Variants in NRXN3 observed in about 807,000 individuals in gnomAD.
NRXN3 encodes the protein neurexin 3, also known as neurexin III.
In NRXN3, 32 loss-of-function variants were observed where a neutral mutation model predicts 137.6. That is an observed-to-expected ratio of 0.23 (90% CI 0.18 to 0.31). The LOEUF (loss-of-function observed/expected upper bound fraction) is 0.31, where lower values mean the gene tolerates loss of function less well. Ranked by LOEUF, NRXN3 falls within the 10% of genes least tolerant of loss-of-function variation. The pLI is 1.00. For missense variants in NRXN3, 1,574 were observed against 2,062.5 expected (o/e 0.76, Z 4.59); for synonymous variants, 798 against 784.5 (o/e 1.02, Z -0.29).
rs190493022 is a variant in NRXN3 at position 79,155,221 on chromosome 14, C to A, written c.3262+167080C>A. 4.5e-3 allele frequency among the ~76,000 whole-genome samples: 688 copies of A among 151,938 alleles called. 8 individuals are homozygous for A. The highest frequency in any genetic ancestry group is 0.016 in the African/African-American group (646 of 41,468). ...GCTATGTGTTTCAGAATGAAAGGAC[C>A]AATCACAAGAAACTCTCAAGCCTTA... On this transcript the variant is annotated intron_variant, in intron 15 of 20. Transcript: ENST00000335750.
intron 15 of NRXN3, among the ~76,000 whole-genome samples, chr14:79,201,967 A>T (rs1314334901): frequency 6.6e-6 from 1 of 152,202 alleles, no homozygotes; most frequent in Non-Finnish European, 1.5e-5. Context: ...TAAGCCATAG[A>T]GTTAGGATTT....
chr14:79,024,853 A>G (rs71414779), intron 15 of NRXN3, among the ~76,000 whole-genome samples: 3,558 of 152,264 alleles, frequency 0.023, 59 homozygotes, highest in Non-Finnish European at 0.034. Flanking sequence ...AATAATAGCA[A>G]GTATTAATAT....
chr14:78,605,574 C>A (rs2097243449), intron 4 of NRXN3, among the ~76,000 whole-genome samples: 1 of 152,054 alleles, frequency 6.6e-6, no homozygotes, highest in South Asian at 2.1e-4. Flanking sequence ...GGGCAAGGAA[C>A]TTTATTACAC....
At chr14:79,045,958 G>A (rs1182842629) in intron 15 of NRXN3, among the ~76,000 whole-genome samples, 1 of 152,140 alleles carries the variant, frequency 6.6e-6, no homozygotes, top group Admixed American at 6.5e-5. Context: ...TGTTCCTGGT[G>A]TAAAGGAAAG....
intron 16 of NRXN3, among the ~76,000 whole-genome samples, chr14:79,523,017 C>T (rs2097083209): frequency 6.6e-6 from 1 of 152,114 alleles, no homozygotes; most frequent in South Asian, 2.1e-4. Context: ...TGGTTGCTTT[C>T]TCTCTTTCCT....
intron 4 of NRXN3, among the ~76,000 whole-genome samples, 168 bp downstream of exon 4, chr14:78,298,028 C>T (rs1351921192): frequency 1.3e-5 from 2 of 152,224 alleles, no homozygotes; most frequent in Non-Finnish European, 1.5e-5. Flanking sequence ...GGGGCACCTT[C>T]CTTGATGCAT....
At chr14:79,485,128 ATC>A (rs201541840) in intron 16 of NRXN3, among the ~76,000 whole-genome samples, 2,945 of 152,134 alleles carry the variant, frequency 0.019, 47 homozygotes, top group Non-Finnish European at 0.03. Context: ...CTTTATATGA[ATC>A]TCTGATTACT....
At chr14:78,506,219 A>T (rs2153783189) in intron 4 of NRXN3, among the ~76,000 whole-genome samples, 1 of 152,242 alleles carries the variant, frequency 6.6e-6, no homozygotes, top group East Asian at 1.9e-4. Flanking sequence ...ACCCTGTAGT[A>T]TTTGTCCTGT....
At chr14:78,670,578 T>C (rs915482515) in intron 6 of NRXN3, among the ~76,000 whole-genome samples, 37 of 152,204 alleles carry the variant, frequency 2.4e-4, no homozygotes, top group African/African-American at 8.4e-4. Context: ...TTAACTTTTA[T>C]TGAGTGTTTA....
intron 4 of NRXN3, among the ~76,000 whole-genome samples, chr14:78,626,560 A>C (rs2097460431): frequency 1.3e-5 from 2 of 152,238 alleles, no homozygotes; most frequent in African/African-American, 4.8e-5. Flanking sequence ...TCTGACCTCT[A>C]TGTGAATGGA....
chr14:78,416,059 A>G (rs1252954394), intron 4 of NRXN3, among the ~76,000 whole-genome samples: 1 of 152,188 alleles, frequency 6.6e-6, no homozygotes, highest in Admixed American at 6.5e-5. Context: ...AGCAAGTCAC[A>G]TGGACAATGC....
At chr14:79,242,528 C>T (rs2074471046) in intron 15 of NRXN3, among the ~76,000 whole-genome samples, 1 of 152,168 alleles carries the variant, frequency 6.6e-6, no homozygotes, top group African/African-American at 2.4e-5. Context: ...AGTAGGTTTA[C>T]TTACTCTACC....
At chr14:79,512,718 A>C (rs2096943296) in intron 16 of NRXN3, among the ~76,000 whole-genome samples, 1 of 152,146 alleles carries the variant, frequency 6.6e-6, no homozygotes, top group Admixed American at 6.5e-5. Flanking sequence ...TGGAAGGTAT[A>C]ATTAATATGT....
At chr14:79,398,889 A>G (rs2095104025) in intron 15 of NRXN3, among the ~76,000 whole-genome samples, 1 of 151,620 alleles carries the variant, frequency 6.6e-6, no homozygotes, top group Non-Finnish European at 1.5e-5. Context: ...ACATGCCTGT[A>G]GTCCCAGCTA....
intron 16 of NRXN3, among the ~76,000 whole-genome samples, chr14:79,477,421 G>T (rs372361811): frequency 1.7e-3 from 259 of 152,220 alleles, no homozygotes; most frequent in African/African-American, 5.9e-3. Context: ...AATGCAGATG[G>T]CAATAATGCC....
chr14:79,816,510 G>C (rs1296916222), intron 20 of NRXN3, among the ~76,000 whole-genome samples: 1 of 152,200 alleles, frequency 6.6e-6, no homozygotes, highest in Admixed American at 6.5e-5. Context: ...ATGTCTTCAT[G>C]AGAATGTCCA....
At chr14:79,408,618 T>C (rs1262087746) in intron 15 of NRXN3, among the ~76,000 whole-genome samples, 3 of 152,148 alleles carry the variant, frequency 2.0e-5, no homozygotes, top group African/African-American at 7.2e-5. Flanking sequence ...TACTAGTGGG[T>C]TCATCTGGGG....
At chr14:78,717,579 C>T (rs2098440017) in intron 8 of NRXN3, among the ~76,000 whole-genome samples, 1 of 152,068 alleles carries the variant, frequency 6.6e-6, no homozygotes, top group African/African-American at 2.4e-5. Flanking sequence ...TCTCTGCTAG[C>T]AAAGAAAAGT....
intron 15 of NRXN3, among the ~76,000 whole-genome samples, chr14:79,000,371 T>G (rs1220156906): frequency 1.3e-5 from 2 of 152,212 alleles, no homozygotes; most frequent in Non-Finnish European, 2.9e-5. Context: ...GAGTTATAGC[T>G]TTCGGTTGCA....
Sources: gnomAD v4.1 joint callset for allele counts (sites outside exome capture counted in the v4.1 genomes callset) on GRCh38, gnomAD v4.1.1 for gene constraint, MANE v1.5 for transcripts, NCBI Gene and HGNC (gene_info 2026-07-23, HGNC 2026-07-21) for gene names.